GSK3B: variants seen among roughly 807,000 people sequenced by gnomAD.
The protein encoded by GSK3B is glycogen synthase kinase 3 beta.
GSK3B carries 15 observed loss-of-function variants against 56.4 expected under a neutral mutation model. The observed-to-expected ratio is 0.27, with a 90% CI of 0.18 to 0.41. The LOEUF (loss-of-function observed/expected upper bound fraction) is 0.41. Among genes scored for constraint, GSK3B ranks in the 10% least tolerant of loss-of-function variants. GSK3B has a pLI of 1.00. For synonymous variants in GSK3B, 181 were observed against 188.9 expected, an observed-to-expected ratio of 0.96 and a Z score of 0.34; for missense variants, 300 against 513.4, an observed-to-expected ratio of 0.58 and a Z score of 4.02.
At chr3:119,899,685 T>C (rs1221071099) in intron 7 of GSK3B, among the ~76,000 whole-genome samples, 2 of 152,140 alleles carry the variant, frequency 1.3e-5, no homozygotes, top group African/African-American at 4.8e-5. Flanking sequence ...TGTTTTTGTT[T>C]ACTAACAAAA....
intron 1 of GSK3B, among the ~76,000 whole-genome samples, chr3:120,005,278 G>T (rs1473953151): frequency 2.0e-5 from 3 of 152,150 alleles, no homozygotes; most frequent in African/African-American, 7.2e-5. Context: ...GGCATTATGT[G>T]AAAAGACCAA....
chr3:120,014,907 T>C (rs2107502259), intron 1 of GSK3B, among the ~76,000 whole-genome samples: 1 of 152,334 alleles, frequency 6.6e-6, no homozygotes, highest in Admixed American at 6.5e-5. Context: ...TCCAGAGTTC[T>C]TTTCAATCAC....
intron 1 of GSK3B, among the ~76,000 whole-genome samples, chr3:120,083,396 G>A (rs1231093974): frequency 6.6e-6 from 1 of 152,038 alleles, no homozygotes; most frequent in Non-Finnish European, 1.5e-5. Flanking sequence ...CAGGAAAAAG[G>A]ACACTCCAGG....
At chr3:120,029,643 T>C in intron 1 of GSK3B, 3 of 546,230 alleles carry the variant, frequency 5.5e-6, no homozygotes, top group Non-Finnish European at 3.6e-6. Context: ...GATGTTCACA[T>C]TCATAGCAGA....
chr3:119,993,882 T>G (rs1290808069), intron 2 of GSK3B, among the ~76,000 whole-genome samples: 2 of 152,192 alleles, frequency 1.3e-5, no homozygotes, highest in Non-Finnish European at 2.9e-5. Flanking sequence ...TGACCAAATC[T>G]GAAGCAATTT....
intron 7 of GSK3B, among the ~76,000 whole-genome samples, chr3:119,890,581 C>A (rs2056490533): frequency 6.6e-6 from 1 of 151,900 alleles, no homozygotes; most frequent in Admixed American, 6.6e-5. Context: ...TTTGGTCATT[C>A]CAGGCTATAA....
At position 119,843,335 on chromosome 3, in the gene GSK3B, G is replaced by A. The variant is rs1212959347; in HGVS notation, c.1115C>T (p.Pro372Leu). Residue 372 changes from proline (P) to leucine (L), a missense_variant, in exon 10 of 11, where the codon CCT (proline) becomes CTT (leucine). Pro to Leu is a moderately conservative substitution (Grantham distance 98). Around this residue, in one of 6 missense-constraint regions of GSK3B, gnomAD observed 88 missense variants for 92.7 expected, o/e 0.95. Transcript: ENST00000264235. ...AGGAGGAATAAGGATGGTAGCCAGAGGTGGATTACTTGACAGTTCTATAGA... is the reference window on the plus strand; with the variant it reads ...AGGAGGAATAAGGATGGTAGCCAGAAGTGGATTACTTGACAGTTCTATAGA... ...FTTQELSSNP[P>L]LATILIPPHA... 1 of 1,606,726 alleles carries A rather than the reference G, an allele frequency of 6.2e-7. No individual in the cohort carries two copies. Among genetic ancestry groups the A allele is most frequent in the Non-Finnish European group, 8.5e-7 (1 of 1,173,964 alleles).
chr3:120,019,450 T>G (rs2057854562), intron 1 of GSK3B, among the ~76,000 whole-genome samples: 2 of 152,326 alleles, frequency 1.3e-5, no homozygotes, highest in South Asian at 4.1e-4. Context: ...TCTACCCCTA[T>G]TCCCTTAAAC....
At chr3:119,914,540 T>G (rs1378678251) in intron 5 of GSK3B, among the ~76,000 whole-genome samples, 1 of 152,116 alleles carries the variant, frequency 6.6e-6, no homozygotes, top group African/African-American at 2.4e-5. Flanking sequence ...AAAACATATC[T>G]GATTTGGGCA....
At chr3:119,879,691 A>G (rs994830409) in intron 7 of GSK3B, among the ~76,000 whole-genome samples, 1 of 151,972 alleles carries the variant, frequency 6.6e-6, no homozygotes, top group Admixed American at 6.6e-5. Flanking sequence ...CCCTATCTCC[A>G]TGAGTTCAAT....
At position 119,826,448 on chromosome 3, in the gene GSK3B, A is replaced by AG; in HGVS notation, c.*339dup. 2.2e-6 allele frequency: 1 copy of AG among 460,870 alleles called. No homozygotes were observed. The highest frequency in any genetic ancestry group is 4.0e-6 in the Non-Finnish European group (1 of 249,986). The allele number at this position is 460,870 out of a possible 1,614,324, so 28.5% of individuals were successfully genotyped here. On this transcript the variant is annotated 3_prime_UTR_variant, in exon 11 of 11. Coordinates refer to ENST00000264235, the MANE Select transcript of GSK3B (RefSeq NM_001146156.2). ...TTTCTTCTTTTGTGGAAGGGGCATGAGGCAGGAGTCCTGTTTTTAAAGTAT... is the reference window on the plus strand; with the variant it reads ...TTTCTTCTTTTGTGGAAGGGGCATGAGGGCAGGAGTCCTGTTTTTAAAGTAT...
chr3:119,970,978 T>A (rs1290241606), intron 2 of GSK3B, among the ~76,000 whole-genome samples: 1 of 152,224 alleles, frequency 6.6e-6, no homozygotes, highest in East Asian at 1.9e-4. Flanking sequence ...ATCTCCCACA[T>A]TAAGAAGCAT....
chr3:119,986,974 C>G (rs911495189), intron 2 of GSK3B, among the ~76,000 whole-genome samples: 2 of 152,212 alleles, frequency 1.3e-5, no homozygotes, highest in African/African-American at 4.8e-5. Flanking sequence ...GGCACATATA[C>G]AGCATGGAAT....
At chr3:120,017,366 GT>G (rs1180894498) in intron 1 of GSK3B, among the ~76,000 whole-genome samples, 2 of 152,152 alleles carry the variant, frequency 1.3e-5, no homozygotes, top group Non-Finnish European at 2.9e-5. Flanking sequence ...TTTAGTGACA[GT>G]AATACCAGAT....
intron 2 of GSK3B, 23 bp from the exon 3 acceptor site, chr3:119,947,374 T>C (rs1281906457): frequency 2.8e-6 from 4 of 1,426,542 alleles, no homozygotes; most frequent in East Asian, 2.3e-5. Context: ...CACATAAAAA[T>C]ATATTTTTAA....
chr3:119,966,714 T>C (rs1012288972), intron 2 of GSK3B, among the ~76,000 whole-genome samples: 9 of 152,178 alleles, frequency 5.9e-5, no homozygotes, highest in African/African-American at 2.2e-4. Flanking sequence ...CCATTCCCTA[T>C]CTAGATAGAT....
At chr3:120,082,956 T>C (rs1296876403) in intron 1 of GSK3B, among the ~76,000 whole-genome samples, 2 of 152,168 alleles carry the variant, frequency 1.3e-5, no homozygotes, top group Non-Finnish European at 2.9e-5. Flanking sequence ...TGAATAGCTC[T>C]AGTCTAAACA....
chr3:119,898,061 T>C (rs1321853847), intron 7 of GSK3B, among the ~76,000 whole-genome samples: 2 of 152,124 alleles, frequency 1.3e-5, no homozygotes, highest in African/African-American at 4.8e-5. Context: ...GCAAACAATA[T>C]GTCCAATCTA....
chr3:119,927,883 G>A (rs2107470493), intron 3 of GSK3B, among the ~76,000 whole-genome samples: 1 of 152,310 alleles, frequency 6.6e-6, no homozygotes, highest in East Asian at 1.9e-4. Context: ...AGAAAGCAAG[G>A]AAAGATTAGC....
Sources: allele counts gnomAD v4.1 joint callset (sites outside exome capture counted in the v4.1 genomes callset), GRCh38; gene constraint gnomAD v4.1.1; regional missense constraint gnomAD v4.1.1; transcripts MANE v1.5; gene names NCBI Gene and HGNC (gene_info 2026-07-23, HGNC 2026-07-21).